The following CPEB3 variants were observed in gnomAD, a reference collection of about 807,000 sequenced individuals.
CPEB3 encodes cytoplasmic polyadenylation element binding protein 3, also known as cytoplasmic polyadenylation element-binding protein 3.
CPEB3 carries 20 observed loss-of-function variants against 67.2 expected under a neutral mutation model. That is an observed-to-expected ratio of 0.30 (90% CI 0.21 to 0.43). The LOEUF is 0.43. Among genes scored for constraint, CPEB3 ranks in the 20% least tolerant of loss-of-function variants. CPEB3 has a pLI of 1.00. For missense variants in CPEB3, 746 were observed against 968.6 expected (o/e 0.77, Z 3.05); for synonymous variants, 376 against 393.1 (o/e 0.96, Z 0.51).
intron 3 of CPEB3, among the ~76,000 whole-genome samples, chr10:92,190,534 A>T (rs1848919452): frequency 6.6e-6 from 1 of 151,632 alleles, no homozygotes; most frequent in South Asian, 2.1e-4. Context: ...GTGTAGTGGC[A>T]CATGCCTGTA....
intron 6 of CPEB3, among the ~76,000 whole-genome samples, chr10:92,121,654 C>T (rs1237280409): frequency 6.8e-6 from 1 of 147,390 alleles, no homozygotes; most frequent in African/African-American, 2.5e-5. Context: ...GTATTTGTTT[C>T]AAGTACCAAC....
chr10:92,156,803 G>A (rs943181168), intron 4 of CPEB3, among the ~76,000 whole-genome samples: 3 of 152,096 alleles, frequency 2.0e-5, no homozygotes, highest in Non-Finnish European at 2.9e-5. Flanking sequence ...ATGATGAAAA[G>A]CAAAAGGACT....
intron 2 of CPEB3, among the ~76,000 whole-genome samples, chr10:92,203,528 A>ATATAT (rs1319440652): frequency 1.1e-5 from 1 of 93,894 alleles, no homozygotes; most frequent in Non-Finnish European, 2.4e-5. Context: ...ATATATATAT[A>ATATAT]TTTTTTTTTT....
At chr10:92,101,804 A>T (rs1844201800) in intron 7 of CPEB3, among the ~76,000 whole-genome samples, 1 of 152,154 alleles carries the variant, frequency 6.6e-6, no homozygotes. Context: ...GCTACTTAGG[A>T]TGCTGAGGCA....
rs915053725 is a variant in CPEB3, at chr10:92,240,054, C to G, written c.297G>C (p.Pro99=). 3.8e-6 allele frequency: 6 copies of G among 1,594,754 alleles called. No individual in the cohort carries two copies. The highest frequency in any genetic ancestry group is 2.7e-5 in the African/African-American group (2 of 74,462). The part of the protein sequence containing the change: ...QPPPPQEPAA[P]GASLSPSFGS... ...CGAAGGACGGCGACAGCGACGCGCC[C>G]GGTGCCGCGGGCTCCTGAGGCGGCG... The change falls in exon 2 of 10, where the codon CCG becomes CCC. Residue 99 remains proline, a synonymous_variant. Coordinates refer to ENST00000265997, the MANE Select transcript of CPEB3 (RefSeq NM_014912.5).
Position 92,049,686 on chromosome 10 carries a change from A to C in CPEB3, c.*2526T>G, listed in dbSNP as rs2134232173. On this transcript the variant is annotated 3_prime_UTR_variant, in exon 10 of 10. Transcript: ENST00000265997. ...TTTTTTGTAACCTATTCTTCAGGAC[A>C]ATGTTTTTTGCCTTCACTTTAGCTT... 1 of 152,688 alleles carries C rather than the reference A, an allele frequency of 6.5e-6. No homozygotes were observed. The highest frequency in any genetic ancestry group is 2.1e-4 in the South Asian group (1 of 4,816). 9.5% of individuals were successfully genotyped at this position (152,688 alleles called of 1,614,324 possible).
At chr10:92,280,343 CAAAAAAAAAAAAA>C (rs60338900) in intron 1 of CPEB3, among the ~76,000 whole-genome samples, 4 of 37,796 alleles carry the variant, frequency 1.1e-4, no homozygotes, top group Non-Finnish European at 1.3e-4. Context: ...AACTCCATCT[CAAAAAAAAAAAAA>C]AAAAAAAAAA....
intron 2 of CPEB3, among the ~76,000 whole-genome samples, chr10:92,200,442 G>C (rs928856070): frequency 3.3e-5 from 5 of 151,506 alleles, no homozygotes; most frequent in African/African-American, 9.7e-5. Flanking sequence ...CTACTTGGGA[G>C]GCTGAGGCAG....
At chr10:92,221,605 T>C (rs889560196) in intron 2 of CPEB3, among the ~76,000 whole-genome samples, 1 of 152,180 alleles carries the variant, frequency 6.6e-6, no homozygotes, top group Non-Finnish European at 1.5e-5. Context: ...AAAATGCACA[T>C]GTTGAAATTT....
chr10:92,193,374 A>T (rs1223912056), intron 2 of CPEB3, among the ~76,000 whole-genome samples: 1 of 152,160 alleles, frequency 6.6e-6, no homozygotes, highest in Non-Finnish European at 1.5e-5. Flanking sequence ...GAGTCAAGTT[A>T]ATTGGTTTTG....
chr10:92,236,245 G>A (rs745964772), intron 2 of CPEB3, among the ~76,000 whole-genome samples: 22 of 152,214 alleles, frequency 1.4e-4, no homozygotes, highest in East Asian at 3.9e-4. Context: ...CTACATGGAC[G>A]TTAAGGACAC....
chr10:92,119,760 A>G (rs531417420), intron 6 of CPEB3, among the ~76,000 whole-genome samples: 22 of 152,302 alleles, frequency 1.4e-4, no homozygotes, highest in Non-Finnish European at 2.5e-4. Flanking sequence ...CTATTGACAC[A>G]AGAGGAAGAT....
chr10:92,260,911 T>C (rs1040939454), intron 1 of CPEB3, among the ~76,000 whole-genome samples: 1 of 152,110 alleles, frequency 6.6e-6, no homozygotes, highest in South Asian at 2.1e-4. Context: ...GCCTGGCCAA[T>C]TGACTGTTTT....
intron 7 of CPEB3, among the ~76,000 whole-genome samples, chr10:92,096,208 A>G (rs1050690816): frequency 4.6e-5 from 7 of 152,092 alleles, no homozygotes; most frequent in Non-Finnish European, 1.0e-4. Context: ...TAACAGTAAC[A>G]ATAATACAAA....
chr10:92,105,120 G>C (rs1041516499), intron 7 of CPEB3, among the ~76,000 whole-genome samples: 1 of 152,154 alleles, frequency 6.6e-6, no homozygotes, highest in African/African-American at 2.4e-5. Context: ...ATCAAGATCA[G>C]AAATGCTAAA....
chr10:92,288,106 A>T (rs1590628255), intron 1 of CPEB3, among the ~76,000 whole-genome samples: 1 of 152,132 alleles, frequency 6.6e-6, no homozygotes, highest in African/African-American at 2.4e-5. Flanking sequence ...GATACACCAC[A>T]TGTGGTTTAT....
At position 92,142,153 on chromosome 10, in the gene CPEB3, G is replaced by A. The variant is rs190003754; in HGVS notation, c.1453+876C>T. Among the ~76,000 whole-genome samples, 4 of 151,990 alleles carry A rather than the reference G, an allele frequency of 2.6e-5. No homozygotes were observed. The East Asian group carries it at 5.8e-4, about 22-fold the overall frequency. On this transcript the variant is annotated intron_variant, in intron 6 of 9. Transcript: ENST00000265997. ...AACTGACAATGAAACCTAACAAACCGGACATAAAAGGAAGCCACTTGCCTT... is the reference window on the plus strand; with the variant it reads ...AACTGACAATGAAACCTAACAAACCAGACATAAAAGGAAGCCACTTGCCTT...
intron 8 of CPEB3, among the ~76,000 whole-genome samples, chr10:92,091,305 T>C (rs1245144554): frequency 2.0e-5 from 3 of 152,214 alleles, no homozygotes; most frequent in African/African-American, 7.2e-5. Flanking sequence ...CTGGCATTAA[T>C]AGTGGTTATT....
chr10:92,118,143 T>C (rs1248824380), intron 6 of CPEB3, among the ~76,000 whole-genome samples: 1 of 152,226 alleles, frequency 6.6e-6, no homozygotes, highest in Non-Finnish European at 1.5e-5. Context: ...TGTTTTGTTT[T>C]GTTTCAAGAT....
Sources: allele counts gnomAD v4.1 joint callset (sites outside exome capture counted in the v4.1 genomes callset), GRCh38; gene constraint gnomAD v4.1.1; transcripts MANE v1.5; gene names NCBI Gene and HGNC (gene_info 2026-07-23, HGNC 2026-07-21).